Variants in NLGN1 observed in about 807,000 individuals in gnomAD.
NLGN1 encodes neuroligin 1.
A neutral mutation model predicts 65.5 loss-of-function variants in NLGN1; 12 were observed. The observed-to-expected ratio is 0.18, with a 90% CI of 0.12 to 0.30. The LOEUF is 0.30. Among genes scored for constraint, NLGN1 ranks in the 10% least tolerant of loss-of-function variants. NLGN1 has a pLI of 1.00. For missense variants in NLGN1, 750 were observed against 1,007.1 expected (o/e 0.74, Z 3.46); for synonymous variants, 350 against 359.5 (o/e 0.97, Z 0.30).
intron 4 of NLGN1, among the ~76,000 whole-genome samples, chr3:173,808,070 A>G (rs553987909): frequency 4.7e-4 from 72 of 152,298 alleles, no homozygotes; most frequent in South Asian, 1.0e-3. Context: ...TTTATAAACT[A>G]TGAAAGACAA....
At chr3:174,097,035 A>G (rs1022978258) in intron 4 of NLGN1, among the ~76,000 whole-genome samples, 51 of 152,166 alleles carry the variant, frequency 3.4e-4, no homozygotes, top group African/African-American at 1.1e-3. Flanking sequence ...CCACAACTGA[A>G]TATTTAAAAG....
intron 3 of NLGN1, among the ~76,000 whole-genome samples, chr3:173,739,208 A>T (rs1238827945): frequency 1.3e-5 from 2 of 152,040 alleles, no homozygotes; most frequent in Admixed American, 1.3e-4. Flanking sequence ...GTGGTCAAAT[A>T]TTCCGCTCGA....
intron 4 of NLGN1, among the ~76,000 whole-genome samples, chr3:173,857,763 C>T (rs1728279966): frequency 7.0e-6 from 1 of 142,626 alleles, no homozygotes; most frequent in African/African-American, 2.6e-5. Flanking sequence ...ATCCCAAGGC[C>T]ACTTAAAAAA....
At chr3:174,036,666 C>A (rs1326113199) in intron 4 of NLGN1, among the ~76,000 whole-genome samples, 1 of 147,254 alleles carries the variant, frequency 6.8e-6, no homozygotes, top group East Asian at 2.0e-4. Flanking sequence ...AAACTTGTGT[C>A]GTGGGAGTTC....
At chr3:173,698,552 C>T (rs542056098) in intron 3 of NLGN1, among the ~76,000 whole-genome samples, 1 of 152,148 alleles carries the variant, frequency 6.6e-6, no homozygotes, top group Admixed American at 6.5e-5. Context: ...CATTGGCCAT[C>T]ATATTTGTTC....
At chr3:173,762,677 G>A (rs559753964) in intron 3 of NLGN1, among the ~76,000 whole-genome samples, 1 of 151,920 alleles carries the variant, frequency 6.6e-6, no homozygotes, top group African/African-American at 2.4e-5. Flanking sequence ...TAGTACCCAA[G>A]CGGCCTGAAA....
chr3:173,529,113 A>G (rs1375356079), intron 2 of NLGN1, among the ~76,000 whole-genome samples: 1 of 152,084 alleles, frequency 6.6e-6, no homozygotes, highest in African/African-American at 2.4e-5. Flanking sequence ...TTAAAAATCT[A>G]TCTTTATTTT....
At chr3:174,013,185 T>G (rs988870223) in intron 4 of NLGN1, among the ~76,000 whole-genome samples, 2 of 152,168 alleles carry the variant, frequency 1.3e-5, no homozygotes, top group Non-Finnish European at 2.9e-5. Context: ...AGTCCAATTT[T>G]TGGTTACGGG....
At chr3:174,020,864 AGTAATTTTGTATCCTCTAATT>A (rs1013294721) in intron 4 of NLGN1, among the ~76,000 whole-genome samples, 1 of 152,170 alleles carries the variant, frequency 6.6e-6, no homozygotes, top group Non-Finnish European at 1.5e-5. Context: ...TGGAATCCAA[AGTAATTTTGTATCCTCTAATT>A]GGTGCTAAAA....
intron 4 of NLGN1, among the ~76,000 whole-genome samples, chr3:174,184,439 TA>T (rs1436807299): frequency 6.6e-5 from 10 of 152,334 alleles, no homozygotes; most frequent in Admixed American, 1.3e-4. Flanking sequence ...CTATTTATAT[TA>T]AATGTCATTT....
At chr3:174,217,407 C>G (rs1428147407) in intron 4 of NLGN1, among the ~76,000 whole-genome samples, 1 of 152,100 alleles carries the variant, frequency 6.6e-6, no homozygotes, top group Non-Finnish European at 1.5e-5. Flanking sequence ...GACTGGGCAG[C>G]TCATAAACAG....
At chr3:174,044,969 G>C (rs1453612027) in intron 4 of NLGN1, among the ~76,000 whole-genome samples, 1 of 152,002 alleles carries the variant, frequency 6.6e-6, no homozygotes, top group African/African-American at 2.4e-5. Context: ...ATGATTATAA[G>C]TTTCCTGAGG....
intron 3 of NLGN1, among the ~76,000 whole-genome samples, chr3:173,700,896 C>T (rs573008273): frequency 2.4e-4 from 36 of 152,054 alleles, no homozygotes; most frequent in East Asian, 5.8e-4. Context: ...GAGGCCGAGG[C>T]GGGCGGATCA....
At chr3:173,869,236 AT>A (rs2031457830) in intron 4 of NLGN1, among the ~76,000 whole-genome samples, 1 of 152,210 alleles carries the variant, frequency 6.6e-6, no homozygotes, top group Non-Finnish European at 1.5e-5. Context: ...AGAAATAAAA[AT>A]AATACCTTTC....
At chr3:173,449,483 C>G (rs1425077089) in intron 2 of NLGN1, among the ~76,000 whole-genome samples, 71 of 152,132 alleles carry the variant, frequency 4.7e-4, no homozygotes, top group East Asian at 7.7e-4. Context: ...TTACTTCCAA[C>G]TATGTGGTCA....
intron 4 of NLGN1, among the ~76,000 whole-genome samples, chr3:173,995,640 G>GTT (rs66791145): frequency 2.2e-4 from 31 of 138,384 alleles, no homozygotes; most frequent in African/African-American, 3.2e-4. Flanking sequence ...GACTTTTTTT[G>GTT]TTTTTTTTTT....
At chr3:174,047,132 A>G (rs759747799) in intron 4 of NLGN1, among the ~76,000 whole-genome samples, 1 of 152,002 alleles carries the variant, frequency 6.6e-6, no homozygotes, top group Admixed American at 6.6e-5. Flanking sequence ...TTGCTGATAT[A>G]TTAAATATTA....
At chr3:173,462,822 T>C (rs1487592568) in intron 2 of NLGN1, among the ~76,000 whole-genome samples, 2 of 152,220 alleles carry the variant, frequency 1.3e-5, no homozygotes, top group East Asian at 3.8e-4. Flanking sequence ...CTGGCAGGAA[T>C]TGAGAACTTG....
intron 2 of NLGN1, among the ~76,000 whole-genome samples, chr3:173,473,453 T>C (rs921275773): frequency 6.6e-6 from 1 of 152,190 alleles, no homozygotes; most frequent in African/African-American, 2.4e-5. Context: ...AGAAAAGATG[T>C]TTAGAATGAA....
Sources: gnomAD v4.1 joint callset for allele counts (sites outside exome capture counted in the v4.1 genomes callset) on GRCh38, gnomAD v4.1.1 for gene constraint, MANE v1.5 for transcripts, NCBI Gene and HGNC (gene_info 2026-07-23, HGNC 2026-07-21) for gene names.